The following AUTS2 variants were observed in gnomAD, a reference collection of about 807,000 sequenced individuals.
AUTS2 encodes the protein autism susceptibility gene 2 protein.
Under a neutral mutation model 112.4 loss-of-function variants are expected in AUTS2, and 17 were observed. That is an observed-to-expected ratio of 0.15 (90% confidence interval 0.10 to 0.23). The LOEUF is 0.23. Among genes scored for constraint, AUTS2 ranks in the 10% least tolerant of loss-of-function variants. The pLI is 1.00. For synonymous variants in AUTS2, 751 were observed against 702.7 expected, an observed-to-expected ratio of 1.07 and a Z score of -1.09; for missense variants, 1,510 against 1,701.6, an observed-to-expected ratio of 0.89 and a Z score of 1.98.
intron 5 of AUTS2, among the ~76,000 whole-genome samples, chr7:70,488,597 C>G (rs776421608): frequency 6.6e-6 from 1 of 152,082 alleles, no homozygotes; most frequent in Non-Finnish European, 1.5e-5. Context: ...CCTCTTTTTC[C>G]CAGCAACCTG....
At chr7:69,739,533 A>G (rs529098016) in intron 1 of AUTS2, among the ~76,000 whole-genome samples, 81 of 152,266 alleles carry the variant, frequency 5.3e-4, no homozygotes, top group African/African-American at 1.9e-3. Context: ...CAACTGGAGA[A>G]TAAAGAGCTT....
At chr7:70,186,490 G>T (rs1809611404) in intron 4 of AUTS2, among the ~76,000 whole-genome samples, 1 of 152,108 alleles carries the variant, frequency 6.6e-6, no homozygotes, top group Admixed American at 6.6e-5. Context: ...TGAACCAAAA[G>T]ATAAGTTGTT....
At chr7:70,564,774 G>A (rs924537031) in intron 5 of AUTS2, among the ~76,000 whole-genome samples, 1 of 152,040 alleles carries the variant, frequency 6.6e-6, no homozygotes, top group African/African-American at 2.4e-5. Flanking sequence ...GTTTTTGTGA[G>A]GTTTTTTTAG....
At chr7:70,566,442 A>G (rs1219402877) in intron 5 of AUTS2, among the ~76,000 whole-genome samples, 1 of 152,226 alleles carries the variant, frequency 6.6e-6, no homozygotes, top group African/African-American at 2.4e-5. Context: ...TTACATTTTT[A>G]TATGTGTATA....
At chr7:70,253,997 T>C (rs1032203429) in intron 4 of AUTS2, among the ~76,000 whole-genome samples, 4 of 152,204 alleles carry the variant, frequency 2.6e-5, no homozygotes, top group African/African-American at 4.8e-5. Context: ...TTGGGAAATA[T>C]TCATAAGAGG....
At chr7:69,814,430 G>A (rs1031452686) in intron 1 of AUTS2, among the ~76,000 whole-genome samples, 12 of 152,204 alleles carry the variant, frequency 7.9e-5, no homozygotes, top group Non-Finnish European at 4.4e-5. Context: ...GGTAGAGCCA[G>A]GCAGGAGAGA....
intron 5 of AUTS2, among the ~76,000 whole-genome samples, chr7:70,628,366 T>C (rs901085589): frequency 3.1e-4 from 2 of 6,378 alleles, no homozygotes; most frequent in African/African-American, 9.3e-4. Context: ...TATATATATA[T>C]ATATGTATAT....
At chr7:69,741,500 T>C (rs763592866) in intron 1 of AUTS2, among the ~76,000 whole-genome samples, 8 of 151,926 alleles carry the variant, frequency 5.3e-5, no homozygotes, top group Non-Finnish European at 7.4e-5. Flanking sequence ...AGCCCAGGAG[T>C]TCGAGACCAG....
At chr7:70,759,633 A>G (rs1789431491) in intron 6 of AUTS2, among the ~76,000 whole-genome samples, 2 of 152,166 alleles carry the variant, frequency 1.3e-5, no homozygotes, top group African/African-American at 2.4e-5. Context: ...AGCTGTGGTT[A>G]GGTTGAGATT....
At chr7:70,295,655 CTCAGGGTCTTTCACTACCCAT>C (rs947598229) in intron 4 of AUTS2, among the ~76,000 whole-genome samples, 3 of 152,142 alleles carry the variant, frequency 2.0e-5, no homozygotes, top group African/African-American at 7.2e-5. Context: ...CTGCTCCCAC[CTCAGGGTCTTTCACTACCCAT>C]TCATAGGCAG....
chr7:70,605,273 T>C (rs1346442327), intron 5 of AUTS2, among the ~76,000 whole-genome samples: 1 of 152,200 alleles, frequency 6.6e-6, no homozygotes, highest in African/African-American at 2.4e-5. Context: ...TCGTTGCCTG[T>C]TCCTGGTTTT....
At chr7:70,642,196 A>G (rs1805870918) in intron 5 of AUTS2, among the ~76,000 whole-genome samples, 1 of 152,166 alleles carries the variant, frequency 6.6e-6, no homozygotes, top group Non-Finnish European at 1.5e-5. Context: ...GTTGATTTGC[A>G]TTTTTGGTAT....
chr7:70,396,387 T>A (rs1340626573), intron 4 of AUTS2, among the ~76,000 whole-genome samples: 1 of 152,178 alleles, frequency 6.6e-6, no homozygotes, highest in East Asian at 1.9e-4. Flanking sequence ...GATTTTTTTT[T>A]TTTTTTGGAA....
chr7:70,070,291 A>G (rs1220411909), intron 2 of AUTS2, among the ~76,000 whole-genome samples: 2 of 152,040 alleles, frequency 1.3e-5, no homozygotes, highest in African/African-American at 4.8e-5. Flanking sequence ...AAAGTATTTC[A>G]ATGGATGCTG....
intron 2 of AUTS2, among the ~76,000 whole-genome samples, chr7:70,036,774 G>A (rs539267556): frequency 1.9e-4 from 29 of 152,336 alleles, no homozygotes; most frequent in Middle Eastern, 3.4e-3. Flanking sequence ...CACCAAAACT[G>A]ATGTCACTGG....
chr7:69,764,587 G>C (rs2129290089), intron 1 of AUTS2, among the ~76,000 whole-genome samples: 1 of 152,176 alleles, frequency 6.6e-6, no homozygotes, highest in Middle Eastern at 3.4e-3. Flanking sequence ...GTGTGTATGG[G>C]GAGGGACATA....
At position 70,636,648 on chromosome 7, in the gene AUTS2, C is replaced by T. The variant is rs1035961453; in HGVS notation, c.691-61921C>T. 8.4e-5 allele frequency among the ~76,000 whole-genome samples: 8 copies of T among 94,814 alleles called. No individual in the cohort carries two copies. The East Asian group carries it at 2.6e-3, about 31-fold the overall frequency. The allele number at this position is 94,814 out of a possible 152,430, so 62.2% of individuals were successfully genotyped here. On this transcript the variant is annotated intron_variant, in intron 5 of 18. Transcript: ENST00000342771. Reference sequence around the variant, plus strand: ...GTTAAATTGATGGCCTACAAAAATACATTTTTTTTTTTTTTTGAGACAGAG... The same window carrying T: ...GTTAAATTGATGGCCTACAAAAATATATTTTTTTTTTTTTTTGAGACAGAG...
At chr7:70,159,787 T>C (rs1440447983) in intron 4 of AUTS2, among the ~76,000 whole-genome samples, 2 of 152,226 alleles carry the variant, frequency 1.3e-5, no homozygotes, top group Non-Finnish European at 2.9e-5. Context: ...ATAATACTTT[T>C]ATGTCTTCAT....
chr7:70,504,030 G>A (rs754612886), intron 5 of AUTS2, among the ~76,000 whole-genome samples: 1 of 140,752 alleles, frequency 7.1e-6, no homozygotes, highest in Non-Finnish European at 1.6e-5. Context: ...TTTTGAATAT[G>A]AGAATTTCAT....
Sources: allele counts gnomAD v4.1 joint callset (sites outside exome capture counted in the v4.1 genomes callset), GRCh38; gene constraint gnomAD v4.1.1; transcripts MANE v1.5; gene names NCBI Gene and HGNC (gene_info 2026-07-23, HGNC 2026-07-21).